The following DPP10 variants were observed in gnomAD, a reference collection of about 807,000 sequenced individuals.
The protein encoded by DPP10 is inactive dipeptidyl peptidase 10.
Under a neutral mutation model 120.9 loss-of-function variants are expected in DPP10, and 33 were observed. The ratio of observed to expected loss-of-function variants is 0.27; its 90% CI spans 0.21 to 0.37. The LOEUF is 0.37. DPP10 is among the 10% of genes least tolerant of loss of function. The pLI, the probability that DPP10 is intolerant of heterozygous loss-of-function variation, is 1.00. For synonymous variants in DPP10, 337 were observed against 326.1 expected (o/e 1.03, Z -0.36); for missense variants, 816 against 942.8 (o/e 0.87, Z 1.76).
intron 2 of DPP10, among the ~76,000 whole-genome samples, chr2:115,326,928 T>C (rs1559426451): frequency 6.6e-6 from 1 of 152,044 alleles, no homozygotes; most frequent in Non-Finnish European, 1.5e-5. Flanking sequence ...ATGTAGACTG[T>C]GCAGTGCTTA....
At chr2:114,584,913 G>A (rs576557552) in intron 1 of DPP10, among the ~76,000 whole-genome samples, 1 of 152,242 alleles carries the variant, frequency 6.6e-6, no homozygotes, top group African/African-American at 2.4e-5. Context: ...ATCTCAAAGT[G>A]GATTGAGCTA....
chr2:115,556,565 G>T (rs115957951), intron 5 of DPP10, among the ~76,000 whole-genome samples: 2 of 152,030 alleles, frequency 1.3e-5, no homozygotes, highest in Non-Finnish European at 2.9e-5. Flanking sequence ...TCCTAATTGT[G>T]TGCCAGCAGA....
intron 1 of DPP10, among the ~76,000 whole-genome samples, chr2:115,035,707 A>G (rs561790938): frequency 6.6e-6 from 1 of 152,304 alleles, no homozygotes; most frequent in African/African-American, 2.4e-5. Context: ...TAAACCATTC[A>G]GTGTCTCATT....
intron 17 of DPP10, among the ~76,000 whole-genome samples, chr2:115,790,388 A>G (rs1265222823): frequency 6.6e-6 from 1 of 152,168 alleles, no homozygotes; most frequent in Non-Finnish European, 1.5e-5. Context: ...CTAGAAGGCT[A>G]TTTTTGTGAT....
chr2:115,337,942 CCTT>C (rs2063244267), intron 2 of DPP10, among the ~76,000 whole-genome samples: 2 of 151,836 alleles, frequency 1.3e-5, no homozygotes, highest in African/African-American at 2.4e-5. Context: ...CATAATATCT[CCTT>C]CTCATTATTG....
chr2:114,578,369 G>A (rs991953805), intron 1 of DPP10, among the ~76,000 whole-genome samples: 1 of 152,010 alleles, frequency 6.6e-6, no homozygotes, highest in African/African-American at 2.4e-5. Flanking sequence ...TATTTATATA[G>A]GTAGCTTATT....
chr2:115,844,322 A>G lies in DPP10; in HGVS notation c.*1977A>G, dbSNP rs1046437653. On this transcript the variant is annotated 3_prime_UTR_variant, in exon 26 of 26. Coordinates refer to ENST00000410059, the MANE Select transcript of DPP10 (RefSeq NM_020868.6). ...AAAGGTGTGGTTTTATTGAATGTCT[A>G]TTTGAGTATCATTTAAAAAGTATTT... The G allele has an allele frequency of 1.3e-5, 2 of 152,544 alleles. No homozygotes were observed. Among genetic ancestry groups the G allele is most frequent in the African/African-American group, 4.8e-5 (2 of 41,438 alleles). 9.4% of individuals were successfully genotyped at this position (152,544 alleles called of 1,614,324 possible). A position where few individuals can be genotyped will look rare whatever the true frequency, so the allele number is the denominator to read the frequency against.
chr2:115,204,407 T>A (rs2055968933), intron 1 of DPP10, among the ~76,000 whole-genome samples: 1 of 152,098 alleles, frequency 6.6e-6, no homozygotes, highest in Non-Finnish European at 1.5e-5. Flanking sequence ...ACAAGAGCAA[T>A]AGATACTACA....
At chr2:115,246,881 C>T (rs1045922330) in intron 1 of DPP10, among the ~76,000 whole-genome samples, 26 of 152,202 alleles carry the variant, frequency 1.7e-4, no homozygotes, top group African/African-American at 6.0e-4. Flanking sequence ...CGAAGTCCTT[C>T]CTCCGAACCA....
At chr2:115,770,060 G>A (rs149371216) in intron 13 of DPP10, among the ~76,000 whole-genome samples, 2 of 152,028 alleles carry the variant, frequency 1.3e-5, no homozygotes, top group Non-Finnish European at 2.9e-5. Flanking sequence ...ATTCCCCAAA[G>A]AAGACAATCT....
chr2:115,137,305 T>C (rs2050697080), intron 1 of DPP10, among the ~76,000 whole-genome samples: 1 of 152,194 alleles, frequency 6.6e-6, no homozygotes, highest in Admixed American at 6.5e-5. Context: ...AGTGATTTGA[T>C]TTGCTCTAGC....
chr2:115,797,458 G>A (rs1198611244), intron 19 of DPP10, among the ~76,000 whole-genome samples: 2 of 151,976 alleles, frequency 1.3e-5, no homozygotes, highest in South Asian at 2.1e-4. Context: ...TGCAAAAATA[G>A]TACATATACC....
At chr2:115,071,733 G>C (rs544862714) in intron 1 of DPP10, among the ~76,000 whole-genome samples, 3 of 152,194 alleles carry the variant, frequency 2.0e-5, no homozygotes, top group African/African-American at 7.2e-5. Context: ...TGTTTCAGCA[G>C]TAGGTGAGGG....
intron 3 of DPP10, among the ~76,000 whole-genome samples, chr2:115,345,462 G>A (rs908122493): frequency 2.0e-5 from 3 of 151,998 alleles, no homozygotes; most frequent in East Asian, 1.9e-4. Flanking sequence ...TTACTCTTTA[G>A]CAAATATTTT....
intron 1 of DPP10, among the ~76,000 whole-genome samples, chr2:115,057,728 GC>G (rs1706042943): frequency 6.6e-6 from 1 of 152,164 alleles, no homozygotes; most frequent in Non-Finnish European, 1.5e-5. Context: ...ATGACTAGCA[GC>G]CTCACAGATC....
intron 1 of DPP10, among the ~76,000 whole-genome samples, chr2:114,682,443 A>G (rs72826519): frequency 0.031 from 4,650 of 152,000 alleles, 102 homozygotes; most frequent in African/African-American, 0.071. Flanking sequence ...TTTAAATGTA[A>G]TAATGCTTCC....
chr2:115,146,692 T>C (rs960284539), intron 1 of DPP10, among the ~76,000 whole-genome samples: 3 of 152,082 alleles, frequency 2.0e-5, no homozygotes, highest in East Asian at 1.9e-4. Context: ...GTTGATTCAA[T>C]TGAAATCATA....
At chr2:114,533,775 A>G (rs757483328) in intron 1 of DPP10, among the ~76,000 whole-genome samples, 2 of 152,130 alleles carry the variant, frequency 1.3e-5, no homozygotes, top group Admixed American at 1.3e-4. Context: ...TTTCAAAGGC[A>G]TTTTTCAATG....
intron 2 of DPP10, among the ~76,000 whole-genome samples, chr2:115,334,192 T>G (rs2062950643): frequency 7.1e-6 from 1 of 141,382 alleles, no homozygotes; most frequent in Admixed American, 7.9e-5. Context: ...GTAATTCTAA[T>G]TAGTAGAATT....
Sources: allele counts gnomAD v4.1 joint callset (sites outside exome capture counted in the v4.1 genomes callset), GRCh38; gene constraint gnomAD v4.1.1; transcripts MANE v1.5; gene names NCBI Gene and HGNC (gene_info 2026-07-23, HGNC 2026-07-21).